FRAS1: variants seen among roughly 807,000 people sequenced by gnomAD.
FRAS1 encodes the protein extracellular matrix organizing protein FRAS1.
A neutral mutation model predicts 435.2 loss-of-function variants in FRAS1; 290 were observed. The observed-to-expected ratio is 0.67, with a 90% CI of 0.61 to 0.73. FRAS1 has a LOEUF of 0.73. Among genes scored for constraint, FRAS1 ranks in the 30% least tolerant of loss-of-function variants. The probability of loss-of-function intolerance (pLI) is 0.00; values close to 1 mark genes in which losing one functional copy is unlikely to be tolerated. For missense variants in FRAS1, 4,860 were observed against 5,001.5 expected (o/e 0.97, Z 0.85); for synonymous variants, 1,800 against 1,851.0 (o/e 0.97, Z 0.71).
At chr4:78,071,294 G>T (rs1375408125) in intron 2 of FRAS1, 1 of 152,060 alleles carries the variant, frequency 6.6e-6, no homozygotes, top group African/African-American at 2.4e-5. Context: ...ACTTAATTGG[G>T]ATTATATTTC....
chr4:78,228,713 A>C (rs988104198), intron 2 of FRAS1, among the ~76,000 whole-genome samples: 2 of 152,208 alleles, frequency 1.3e-5, no homozygotes, highest in African/African-American at 4.8e-5. Context: ...CTATAGCTCT[A>C]AATGCTACAC....
At chr4:78,207,203 C>T (rs780704782) in intron 2 of FRAS1, among the ~76,000 whole-genome samples, 4 of 152,218 alleles carry the variant, frequency 2.6e-5, no homozygotes, top group Admixed American at 6.5e-5. Context: ...GAATGTCCTA[C>T]ACTACTTCAA....
At chr4:78,451,703 C>T (rs1410929166) in intron 45 of FRAS1, 69 bp from the exon 46 acceptor site, 13 of 1,343,916 alleles carry the variant, frequency 9.7e-6, no homozygotes, top group South Asian at 4.6e-5. Flanking sequence ...ATTGAATTCA[C>T]ACCTCTTGCT....
chr4:78,484,715 C>T (rs1720117330), intron 58 of FRAS1, among the ~76,000 whole-genome samples: 1 of 152,146 alleles, frequency 6.6e-6, no homozygotes, highest in Admixed American at 6.6e-5. Flanking sequence ...ATCCATTAAG[C>T]CTTATCTCAC....
At chr4:78,271,030 A>G (rs1327397720) in intron 9 of FRAS1, among the ~76,000 whole-genome samples, 1 of 152,242 alleles carries the variant, frequency 6.6e-6, no homozygotes, top group African/African-American at 2.4e-5. Context: ...TGAAGGCTCA[A>G]GAAAAGTAGA....
intron 58 of FRAS1, among the ~76,000 whole-genome samples, chr4:78,483,336 T>C (rs1323027732): frequency 6.6e-6 from 1 of 152,124 alleles, no homozygotes; most frequent in Non-Finnish European, 1.5e-5. Context: ...CTAAGTAGCA[T>C]GAGGAAAAAC....
rs573256358 is a variant in FRAS1, at chr4:78,375,466, A to G, written c.3152-273A>G. ...GAAAGAGTCTGTGCTCTTAATCACTACAAAGGTCTTTTCTTACAAGTCAAT... is the reference window on the plus strand; with the variant it reads ...GAAAGAGTCTGTGCTCTTAATCACTGCAAAGGTCTTTTCTTACAAGTCAAT... On this transcript the variant is annotated intron_variant, in intron 25 of 73. Coordinates refer to ENST00000512123, the MANE Select transcript of FRAS1 (RefSeq NM_025074.7). 1.3e-4 allele frequency among the ~76,000 whole-genome samples: 20 copies of G among 152,350 alleles called. No homozygotes were observed. In the South Asian group the frequency reaches 4.1e-3, roughly 32 times the overall value.
At chr4:78,087,364 C>G (rs1432466660) in intron 2 of FRAS1, among the ~76,000 whole-genome samples, 4 of 152,030 alleles carry the variant, frequency 2.6e-5, no homozygotes, top group Non-Finnish European at 5.9e-5. Flanking sequence ...AAAACTGGCA[C>G]AAGACAGGGA....
intron 16 of FRAS1, among the ~76,000 whole-genome samples, chr4:78,316,942 G>GAAA (rs1190567960): frequency 6.6e-6 from 1 of 151,970 alleles, no homozygotes; most frequent in Non-Finnish European, 1.5e-5. Flanking sequence ...ATTCATTTAG[G>GAAA]CAGTGTGAGG....
rs1370235261 is a variant in FRAS1 at position 78,540,704 on chromosome 4, A to C, written c.11619A>C (p.Glu3873Asp). 6.2e-7 allele frequency: 1 copy of C among 1,613,854 alleles called. No individual in the cohort carries two copies. Among genetic ancestry groups the C allele is most frequent in the Admixed American group, 1.7e-5 (1 of 60,008 alleles). ...ATGATTCCCTCATCTATGACAATGA[A>C]GGAGACCAAGTCAAGAATGGCACCA... ...ILDDSLIYDNEGDQVKNGTNM... is the reference protein window; with the variant it reads ...ILDDSLIYDNDGDQVKNGTNM... Residue 3873 changes from glutamate to aspartate, a missense_variant, in exon 74 of 74, where the codon GAA (glutamate) becomes GAC (aspartate). Physicochemically the swap from Glu to Asp is conservative, Grantham distance 45. Transcript: ENST00000512123.
intron 2 of FRAS1, among the ~76,000 whole-genome samples, chr4:78,119,502 G>T (rs1718889237): frequency 6.6e-6 from 1 of 152,002 alleles, no homozygotes; most frequent in Admixed American, 6.6e-5. Context: ...ATTTTTCTGT[G>T]AATGACAGGA....
rs375034848 is a variant in FRAS1, at chr4:78,104,592, A to G, written c.108+38576A>G. On this transcript the variant is annotated intron_variant, in intron 2 of 73. Transcript: ENST00000512123. ...TTGCTTTCGTGTTGCCTGTTAATTA[A>G]TTCATTTAAAGGAGAAAAGTAGGTA... Among the ~76,000 whole-genome samples, 60 of 152,352 alleles carry G rather than the reference A, an allele frequency of 3.9e-4. 2 individuals carry two copies. The highest frequency in any genetic ancestry group is 1.4e-3 in the African/African-American group (58 of 41,580).
In FRAS1 at chr4:78,479,533, G is replaced by A. The variant is rs752263328; in HGVS notation, c.8258G>A (p.Cys2753Tyr). 1 of 1,613,988 alleles carries A rather than the reference G, an allele frequency of 6.2e-7. No homozygotes were observed. Among genetic ancestry groups the A allele is most frequent in the Non-Finnish European group, 8.5e-7 (1 of 1,179,840 alleles). ...GGGCCTGGTGTGACCATGTCCACCT[G>A]TGATGTCATGCTTATTGATGACAGC... is the stretch of plus-strand genomic sequence containing the variant. ...IFGPGVTMST[C>Y]DVMLIDDSEY... The change falls in exon 56 of 74, where the codon TGT becomes TAT. Residue 2753 changes from cysteine to tyrosine, a missense_variant. By Grantham distance (194) the Cys-to-Tyr change is radical. Transcript: ENST00000512123.
chr4:78,065,081 T>TATATATATATATATATACACACACACAC (rs762909923), intron 1 of FRAS1, among the ~76,000 whole-genome samples: 12 of 125,688 alleles, frequency 9.5e-5, no homozygotes, highest in African/African-American at 3.0e-4. Context: ...TATATATATA[T>TATATATATATATATATACACACACACAC]ATACATACAC....
chr4:78,119,443 T>G (rs1718884716), intron 2 of FRAS1, among the ~76,000 whole-genome samples: 1 of 152,216 alleles, frequency 6.6e-6, no homozygotes, highest in Non-Finnish European at 1.5e-5. Flanking sequence ...GTGTTTCACT[T>G]TCTGTTCCTG....
Position 78,439,116 on chromosome 4 carries a change from C to T in FRAS1, c.5529+52C>T, listed in dbSNP as rs374379872. The T allele has an allele frequency of 3.3e-4, 468 of 1,439,286 alleles. 1 individual carries two copies. The highest frequency in any genetic ancestry group is 6.9e-4 in the Admixed American group (31 of 44,762). 89.2% of individuals were successfully genotyped at this position (1,439,286 alleles called of 1,614,324 possible). On this transcript the variant is annotated intron_variant, in intron 40 of 73. Transcript: ENST00000512123. ...GTGAGTACTATAGAGAGCTGGAATCCGTAGTAATGTAAATGAAGGATTTCT... is the reference window on the plus strand; with the variant it reads ...GTGAGTACTATAGAGAGCTGGAATCTGTAGTAATGTAAATGAAGGATTTCT...
intron 14 of FRAS1, among the ~76,000 whole-genome samples, chr4:78,305,762 A>C (rs1236302715): frequency 6.6e-6 from 1 of 151,916 alleles, no homozygotes; most frequent in East Asian, 1.9e-4. Flanking sequence ...GTGTCTCTGC[A>C]CATGAGATGG....
chr4:78,486,159 G>A (rs2109862887), intron 58 of FRAS1, among the ~76,000 whole-genome samples: 1 of 152,308 alleles, frequency 6.6e-6, no homozygotes, highest in South Asian at 2.1e-4. Flanking sequence ...TGAAACAGAG[G>A]CAGGATTTCT....
chr4:78,453,309 A>G (rs1323729399), intron 47 of FRAS1, among the ~76,000 whole-genome samples: 2 of 152,206 alleles, frequency 1.3e-5, no homozygotes, highest in Non-Finnish European at 2.9e-5. Context: ...GGTAGAAGGT[A>G]GTGGGATTTC....
Sources: gnomAD v4.1 joint callset for allele counts (sites outside exome capture counted in the v4.1 genomes callset) on GRCh38, gnomAD v4.1.1 for gene constraint, MANE v1.5 for transcripts, NCBI Gene and HGNC (gene_info 2026-07-23, HGNC 2026-07-21) for gene names.